The following BRCA2 variants were observed in gnomAD, a reference collection of about 807,000 sequenced individuals.
BRCA2 encodes the protein breast cancer type 2 susceptibility protein.
BRCA2 carries 203 observed loss-of-function variants against 276.7 expected under a neutral mutation model. The ratio of observed to expected loss-of-function variants is 0.73; its 90% confidence interval spans 0.65 to 0.82. BRCA2 has a LOEUF of 0.82. Among genes scored for constraint, BRCA2 ranks in the 40% least tolerant of loss-of-function variants. The pLI, the probability that BRCA2 is intolerant of heterozygous loss-of-function variation, is 0.00. For missense variants in BRCA2, 3,920 were observed against 3,915.0 expected, an observed-to-expected ratio of 1.00 and a Z score of -0.03; for synonymous variants, 1,289 against 1,338.4, an observed-to-expected ratio of 0.96 and a Z score of 0.81.
chr13:32,367,889 G>A (rs2072795302), intron 18 of BRCA2, among the ~76,000 whole-genome samples: 1 of 150,912 alleles, frequency 6.6e-6, no homozygotes, highest in Non-Finnish European at 1.5e-5. Flanking sequence ...GGACCCTCAA[G>A]TAGATGAGGG....
rs1396595519 is a variant in BRCA2 at position 32,332,623 on chromosome 13, A to G, written c.1145A>G (p.Lys382Arg). The change falls in exon 10 of 27, where the codon AAA becomes AGA. Residue 382 changes from lysine to arginine, a missense_variant. Physicochemically the swap from Lys to Arg is conservative, Grantham distance 26. Transcript: ENST00000380152. ...NQKPFESGSD[K>R]ISKEVVPSLA... ...AAGCCCTTTGAGAGTGGAAGTGACA[A>G]AATCTCCAAGGAAGTTGTACCGTCT... is the stretch of plus-strand genomic sequence containing the variant. 2 of 1,614,116 alleles carry G rather than the reference A, an allele frequency of 1.2e-6. No individual in the cohort carries two copies. Among genetic ancestry groups the G allele is most frequent in the Non-Finnish European group, 1.7e-6 (2 of 1,179,988 alleles).
chr13:32,385,549 C>A, intron 24 of BRCA2: 1 of 255,298 alleles, frequency 3.9e-6, no homozygotes. Flanking sequence ...CCATATAGGG[C>A]TTTGTGACAG....
rs769367815 is a variant in BRCA2 at position 32,357,933 on chromosome 13, C to T, written c.7805+4C>T. 1 of 1,612,466 alleles carries T rather than the reference C, an allele frequency of 6.2e-7. No homozygotes were observed. Among genetic ancestry groups the T allele is most frequent in the Non-Finnish European group, 8.5e-7 (1 of 1,178,566 alleles). On this transcript the variant is annotated splice_donor_region_variant and intron_variant, in intron 16 of 26. Transcript: ENST00000380152. The stretch of plus-strand genomic sequence containing the variant: ...CTGGAAAAGAAGAATTTTATAGGTA[C>T]TCTATGCAAAAAGATTGTGTGTTAA...
At chr13:32,370,323 A>G (rs2137595868) in intron 18 of BRCA2, 79 bp from the exon 19 acceptor site, 2 of 1,401,846 alleles carry the variant, frequency 1.4e-6, no homozygotes, top group Non-Finnish European at 2.0e-6. Flanking sequence ...TTCTAGAAGA[A>G]TGAAAACTCT....
intron 10 of BRCA2, among the ~76,000 whole-genome samples, chr13:32,333,635 TACATGTGCA>T (rs2072427560): frequency 1.3e-5 from 2 of 152,130 alleles, no homozygotes; most frequent in African/African-American, 4.8e-5. Context: ...AGTTCCGGGG[TACATGTGCA>T]GGATGTGCAG....
chr13:32,328,212 A>G (rs1007675419), intron 7 of BRCA2, among the ~76,000 whole-genome samples: 1 of 151,524 alleles, frequency 6.6e-6, no homozygotes, highest in African/African-American at 2.4e-5. Context: ...AAAAGTAAAT[A>G]TTCACCAACA....
intron 20 of BRCA2, among the ~76,000 whole-genome samples, chr13:32,375,169 G>A (rs141622897): frequency 6.1e-4 from 93 of 152,318 alleles, no homozygotes; most frequent in African/African-American, 2.0e-3. Context: ...CACCAGGTCC[G>A]TCCCTCGACA....
At chr13:32,341,337 G>C in intron 11 of BRCA2, 141 bp downstream of exon 11, 1 of 1,161,136 alleles carries the variant, frequency 8.6e-7, no homozygotes. Context: ...GGGGGAGTAT[G>C]GTTTGATATA....
chr13:32,326,084 G>T lies in BRCA2; in HGVS notation c.426-17G>T, dbSNP rs81002799. The T allele has an allele frequency of 2.5e-6, 4 of 1,601,688 alleles. No individual in the cohort carries two copies. Among genetic ancestry groups the T allele is most frequent in the Non-Finnish European group, 3.4e-6 (4 of 1,172,258 alleles). ...TTTTTTAAAATAACCTAAGGGATTT[G>T]CTTTGTTTTATTTTAGTCCTGTTGT... On this transcript the variant is annotated splice_polypyrimidine_tract_variant and intron_variant, in intron 4 of 26. Coordinates refer to ENST00000380152, the MANE Select transcript of BRCA2 (RefSeq NM_000059.4).
chr13:32,382,057 G>T (rs2072928233), intron 24 of BRCA2, among the ~76,000 whole-genome samples: 1 of 152,298 alleles, frequency 6.6e-6, no homozygotes, highest in African/African-American at 2.4e-5. Context: ...TCTACTTGAT[G>T]GTTACATAGG....
At chr13:32,354,422 CT>C (rs1338796520) in intron 13 of BRCA2, among the ~76,000 whole-genome samples, 4 of 151,906 alleles carry the variant, frequency 2.6e-5, no homozygotes, top group Non-Finnish European at 5.9e-5. Flanking sequence ...AAAAAGGGCA[CT>C]TTAAAAAAGG....
At chr13:32,353,705 T>C (rs1382822128) in intron 13 of BRCA2, among the ~76,000 whole-genome samples, 1 of 152,228 alleles carries the variant, frequency 6.6e-6, no homozygotes, top group African/African-American at 2.4e-5. Flanking sequence ...CATTAAATAG[T>C]TGATGGATGG....
chr13:32,384,360 AG>A (rs1240375576), intron 24 of BRCA2, among the ~76,000 whole-genome samples: 1 of 152,176 alleles, frequency 6.6e-6, no homozygotes, highest in Non-Finnish European at 1.5e-5. Flanking sequence ...AAAGGATTCG[AG>A]GAGATGAAGA....
intron 13 of BRCA2, among the ~76,000 whole-genome samples, chr13:32,348,497 T>G (rs2072626155): frequency 6.6e-6 from 1 of 152,158 alleles, no homozygotes; most frequent in South Asian, 2.1e-4. Flanking sequence ...ATGAATTCTC[T>G]TATTATCAAC....
intron 16 of BRCA2, among the ~76,000 whole-genome samples, chr13:32,359,258 A>G (rs960490460): frequency 8.6e-5 from 13 of 151,328 alleles, no homozygotes; most frequent in Admixed American, 4.0e-4. Context: ...GTTAAATTTG[A>G]AATGGCCTTA....
At chr13:32,331,067 G>T (rs1354779950) in intron 9 of BRCA2, 37 bp downstream of exon 9, 10 of 1,462,964 alleles carry the variant, frequency 6.8e-6, no homozygotes, top group Admixed American at 1.8e-5. Flanking sequence ...AGGTTTTTTT[G>T]TTGTTGTTGT....
chr13:32,348,269 G>T (rs565116415), intron 13 of BRCA2, among the ~76,000 whole-genome samples: 1 of 147,310 alleles, frequency 6.8e-6, no homozygotes, highest in Non-Finnish European at 1.5e-5. Flanking sequence ...AATGAAGAAA[G>T]AAATTTTAAA....
intron 20 of BRCA2, among the ~76,000 whole-genome samples, chr13:32,376,261 A>G (rs1053480589): frequency 1.3e-5 from 2 of 151,914 alleles, no homozygotes; most frequent in African/African-American, 4.8e-5. Context: ...CATGGGTCAC[A>G]TCTGTAATCC....
At chr13:32,328,823 G>A (rs1445176423) in intron 7 of BRCA2, among the ~76,000 whole-genome samples, 1 of 151,940 alleles carries the variant, frequency 6.6e-6, no homozygotes, top group Non-Finnish European at 1.5e-5. Context: ...AGTTTGTTTT[G>A]TAAAACTTTT....
Sources: gnomAD v4.1 joint callset for allele counts (sites outside exome capture counted in the v4.1 genomes callset) on GRCh38, gnomAD v4.1.1 for gene constraint, MANE v1.5 for transcripts, NCBI Gene and HGNC (gene_info 2026-07-23, HGNC 2026-07-21) for gene names.